GABPB1: variants seen among roughly 807,000 people sequenced by gnomAD.
GABPB1 encodes the protein GA binding protein transcription factor subunit beta 1.
In GABPB1, 15 loss-of-function variants were observed where a neutral mutation model predicts 45.9. That is an observed-to-expected ratio of 0.33 (90% CI 0.22 to 0.50). The LOEUF is 0.50. Ranked by LOEUF, GABPB1 falls within the 20% of genes least tolerant of loss-of-function variation. GABPB1 has a pLI of 0.98. For synonymous variants in GABPB1, 143 were observed against 154.4 expected (o/e 0.93, Z 0.55); for missense variants, 252 against 457.5 (o/e 0.55, Z 4.10).
intron 4 of GABPB1, among the ~76,000 whole-genome samples, chr15:50,301,781 C>A (rs12102093): frequency 0.19 from 28,301 of 151,912 alleles, 2,824 homozygotes; most frequent in Middle Eastern, 0.23. Flanking sequence ...AAAACAAAAA[C>A]AAAACAAACA....
At chr15:50,281,767 G>GA (rs1203658130) in intron 8 of GABPB1, among the ~76,000 whole-genome samples, 3 of 151,966 alleles carry the variant, frequency 2.0e-5, no homozygotes, top group Admixed American at 6.6e-5. Context: ...GGCCATTTAT[G>GA]AAAAAAAACT....
intron 1 of GABPB1, chr15:50,349,044 T>C (rs941855955): frequency 2.0e-5 from 3 of 152,120 alleles, no homozygotes; most frequent in African/African-American, 7.2e-5. Flanking sequence ...AAATTAATAT[T>C]TTATAGGTTC....
intron 1 of GABPB1, chr15:50,352,792 G>A (rs1301080376): frequency 6.6e-6 from 1 of 152,224 alleles, no homozygotes; most frequent in South Asian, 2.1e-4. Context: ...TCAGACTACA[G>A]TTCACAGAAA....
intron 6 of GABPB1, among the ~76,000 whole-genome samples, chr15:50,299,890 C>T (rs529138133): frequency 3.7e-4 from 56 of 152,120 alleles, no homozygotes; most frequent in African/African-American, 1.3e-3. Context: ...GATCTTGGCT[C>T]ATGGCAACCT....
chr15:50,288,331 T>C (rs1488250276), intron 7 of GABPB1, among the ~76,000 whole-genome samples: 4 of 152,186 alleles, frequency 2.6e-5, no homozygotes, highest in Non-Finnish European at 5.9e-5. Flanking sequence ...GCTGGGATTA[T>C]GGGCATGAGC....
chr15:50,303,342 G>A (rs572346778), intron 3 of GABPB1, among the ~76,000 whole-genome samples: 8 of 151,884 alleles, frequency 5.3e-5, no homozygotes, highest in Admixed American at 1.3e-4. Context: ...TGAGCTCAGG[G>A]GTTTGAAACT....
Position 50,278,792 on chromosome 15 carries a change from A to G in GABPB1, c.1000-8T>C, listed in dbSNP as rs909276016. ...CTGAAGAGCTTCTCTCTCCTAATTAAAAGAAGAGGGTTTTTTTTTTAATTT... is the reference window on the plus strand; with the variant it reads ...CTGAAGAGCTTCTCTCTCCTAATTAGAAGAAGAGGGTTTTTTTTTTAATTT... On this transcript the variant is annotated splice_polypyrimidine_tract_variant and splice_region_variant and intron_variant, in intron 8 of 8. Transcript: ENST00000380877. The G allele has an allele frequency of 2.6e-6, 4 of 1,554,364 alleles. No individual in the cohort carries two copies. The highest frequency in any genetic ancestry group is 2.1e-5 in the Admixed American group (1 of 46,860).
In GABPB1 at chr15:50,282,376, T is replaced by C. The variant is rs1210180872; in HGVS notation, c.1000-3592A>G. ...GAGTCCAAGACCAGCCTGGGCAACA[T>C]AGCAAGACACCCTCTCTATGAAAAT... On this transcript the variant is annotated intron_variant, in intron 8 of 8. Transcript: ENST00000380877. 1.2e-5 allele frequency: 5 copies of C among 430,722 alleles called. No homozygotes were observed. In the East Asian group the frequency reaches 2.2e-4, roughly 19 times the overall value. The allele number at this position is 430,722 out of a possible 1,614,324, so 26.7% of individuals were successfully genotyped here. A position where few individuals can be genotyped will look rare whatever the true frequency, so the allele number is the denominator to read the frequency against.
chr15:50,346,698 C>A (rs1374228994), intron 1 of GABPB1, among the ~76,000 whole-genome samples: 1 of 148,278 alleles, frequency 6.7e-6, no homozygotes, highest in Non-Finnish European at 1.5e-5. Flanking sequence ...AAGGCACTGG[C>A]AGATTCAGTA....
At chr15:50,285,922 A>G in intron 8 of GABPB1, 146 bp downstream of exon 8, 1 of 1,422,256 alleles carries the variant, frequency 7.0e-7, no homozygotes, top group Non-Finnish European at 9.2e-7. Context: ...TGCTATATGT[A>G]TAAGGCAAAA....
chr15:50,328,889 T>C (rs1037101364), intron 1 of GABPB1, among the ~76,000 whole-genome samples: 4 of 152,196 alleles, frequency 2.6e-5, no homozygotes, highest in Non-Finnish European at 4.4e-5. Flanking sequence ...GCAGTTCAAA[T>C]ATATTATCGT....
In GABPB1 at chr15:50,333,699, A is replaced by C. The variant is rs541462680; in HGVS notation, c.-1+21286T>G. ...AGGTAGTTTTCATTCCATATAGTAGACATTTCACTGTCTGCTGATTTCCAC... is the reference window on the plus strand; with the variant it reads ...AGGTAGTTTTCATTCCATATAGTAGCCATTTCACTGTCTGCTGATTTCCAC... On this transcript the variant is annotated intron_variant, in intron 1 of 8. Transcript: ENST00000380877. Among the ~76,000 whole-genome samples the C allele has an allele frequency of 1.9e-3, 296 of 152,288 alleles. 1 individual carries two copies. The highest frequency in any genetic ancestry group is 6.8e-3 in the Middle Eastern group (2 of 294).
At chr15:50,344,347 A>G (rs2048486876) in intron 1 of GABPB1, among the ~76,000 whole-genome samples, 1 of 152,228 alleles carries the variant, frequency 6.6e-6, no homozygotes, top group Non-Finnish European at 1.5e-5. Context: ...AGCAAGGTTC[A>G]ATTCACTTTG....
intron 1 of GABPB1, among the ~76,000 whole-genome samples, chr15:50,340,774 C>T (rs1595838679): frequency 6.6e-6 from 1 of 151,762 alleles, no homozygotes; most frequent in South Asian, 2.1e-4. Flanking sequence ...TTTCCTCTTC[C>T]GAAACTGCCT....
intron 1 of GABPB1, among the ~76,000 whole-genome samples, chr15:50,332,119 C>T (rs540554891): frequency 6.6e-6 from 1 of 152,262 alleles, no homozygotes; most frequent in East Asian, 1.9e-4. Context: ...AAGCAATCCA[C>T]CTGCCTCGGC....
rs1387497940 is a variant in GABPB1 at position 50,276,133 on chromosome 15, TA to T, written c.*2498del. ...TTGTTCACACATATGTGGAAACAATTAACCAGTGATGTGGCAACCAGATGAC... is the reference window on the plus strand; with the variant it reads ...TTGTTCACACATATGTGGAAACAATTACCAGTGATGTGGCAACCAGATGAC... On this transcript the variant is annotated 3_prime_UTR_variant, in exon 9 of 9. Transcript: ENST00000380877. 6.6e-6 allele frequency: 1 copy of T among 152,240 alleles called. No homozygotes were observed. The highest frequency in any genetic ancestry group is 2.4e-5 in the African/African-American group (1 of 41,458). The allele number at this position is 152,240 out of a possible 1,614,324, so 9.4% of individuals were successfully genotyped here.
At chr15:50,281,504 C>T (rs1471280424) in intron 8 of GABPB1, among the ~76,000 whole-genome samples, 1 of 152,196 alleles carries the variant, frequency 6.6e-6, no homozygotes, top group Non-Finnish European at 1.5e-5. Context: ...AGCCACTGCG[C>T]CCGGCCTAAA....
At chr15:50,333,898 T>TG (rs1396024699) in intron 1 of GABPB1, among the ~76,000 whole-genome samples, 1 of 151,662 alleles carries the variant, frequency 6.6e-6, no homozygotes, top group African/African-American at 2.4e-5. Context: ...CATTTGGTGG[T>TG]GGGCACCTGT....
At chr15:50,337,546 T>C (rs866041697) in intron 1 of GABPB1, among the ~76,000 whole-genome samples, 5 of 152,036 alleles carry the variant, frequency 3.3e-5, no homozygotes, top group Middle Eastern at 3.4e-3. Context: ...AGCAGATCAC[T>C]TGAGCTCAGG....
Sources: allele counts gnomAD v4.1 joint callset (sites outside exome capture counted in the v4.1 genomes callset), GRCh38; gene constraint gnomAD v4.1.1; transcripts MANE v1.5; gene names NCBI Gene and HGNC (gene_info 2026-07-23, HGNC 2026-07-21).